LAMA2: variants seen among roughly 807,000 people sequenced by gnomAD.
LAMA2 encodes laminin subunit alpha-2.
In LAMA2, 269 loss-of-function variants were observed where a neutral mutation model predicts 364.8. The observed-to-expected ratio is 0.74, with a 90% CI of 0.67 to 0.82. The LOEUF (loss-of-function observed/expected upper bound fraction) is 0.82, where lower values mean the gene tolerates loss of function less well. Ranked by LOEUF, LAMA2 falls within the 40% of genes least tolerant of loss-of-function variation. The pLI, the probability that LAMA2 is intolerant of heterozygous loss-of-function variation, is 0.00. For missense variants in LAMA2, 3,807 were observed against 3,873.2 expected (o/e 0.98, Z 0.45); for synonymous variants, 1,379 against 1,370.6 (o/e 1.01, Z -0.14).
chr6:128,929,367 C>A (rs1378840830), intron 1 of LAMA2: 10 of 1,031,676 alleles, frequency 9.7e-6, no homozygotes, highest in Admixed American at 3.4e-5. Context: ...CGAGAGAATA[C>A]AAAGAAGTTC....
At position 129,460,205 on chromosome 6, in the gene LAMA2, T is replaced by C. The variant is rs1305518045; in HGVS notation, c.6873T>C (p.Ala2291=). ...AACGGTATTTCTTTCTGCAGAAGGCTGATGCTGTACGTGTGATTACATTCA... is the reference window on the plus strand; with the variant it reads ...AACGGTATTTCTTTCTGCAGAAGGCCGATGCTGTACGTGTGATTACATTCA... ...VGGLTGKLKK[A]DAVRVITFTG... is the part of the protein sequence containing the mutation. The change falls in exon 49 of 65, where the codon GCT becomes GCC. Residue 2291 remains alanine, a synonymous_variant. Coordinates refer to ENST00000421865, the MANE Select transcript of LAMA2 (RefSeq NM_000426.4). The C allele has an allele frequency of 3.1e-6, 5 of 1,612,094 alleles. No homozygotes were observed. The highest frequency in any genetic ancestry group is 4.2e-6 in the Non-Finnish European group (5 of 1,178,550).
At chr6:129,195,410 A>T (rs1781777453) in intron 12 of LAMA2, among the ~76,000 whole-genome samples, 1 of 152,212 alleles carries the variant, frequency 6.6e-6, no homozygotes, top group Admixed American at 6.5e-5. Flanking sequence ...TATCCTGTGA[A>T]ACATTTTTCA....
chr6:129,172,762 T>A (rs1318926151), intron 9 of LAMA2, among the ~76,000 whole-genome samples: 1 of 152,086 alleles, frequency 6.6e-6, no homozygotes, highest in Non-Finnish European at 1.5e-5. Flanking sequence ...GCGGCGCCCC[T>A]CCCCCAGCCT....
chr6:129,352,031 G>A (rs1316014342), intron 31 of LAMA2, among the ~76,000 whole-genome samples: 1 of 152,088 alleles, frequency 6.6e-6, no homozygotes, highest in East Asian at 1.9e-4. Flanking sequence ...ATAGCTTTTG[G>A]CTCCAATCCC....
intron 17 of LAMA2, among the ~76,000 whole-genome samples, chr6:129,279,793 T>G (rs181129854): frequency 6.0e-4 from 91 of 152,324 alleles, no homozygotes; most frequent in African/African-American, 2.0e-3. Flanking sequence ...CACTTGTTAC[T>G]GATGATCACT....
chr6:129,159,120 T>C, intron 8 of LAMA2: 1 of 1,570,420 alleles, frequency 6.4e-7, no homozygotes, highest in Non-Finnish European at 8.8e-7. Context: ...AGCTGAGTCA[T>C]TGTTCAATTG....
chr6:129,321,190 A>G (rs540971286), intron 28 of LAMA2, among the ~76,000 whole-genome samples: 1 of 152,322 alleles, frequency 6.6e-6, no homozygotes, highest in South Asian at 2.1e-4. Flanking sequence ...GCTTTTCAAT[A>G]AACTTGCTGA....
At chr6:129,357,457 G>A (rs1250689150) in intron 32 of LAMA2, among the ~76,000 whole-genome samples, 10 of 151,828 alleles carry the variant, frequency 6.6e-5, no homozygotes, top group Non-Finnish European at 2.9e-5. Flanking sequence ...TGGGGTTTTT[G>A]GGATATATCA....
chr6:129,158,096 C>T (rs1779232247), intron 8 of LAMA2: 11 of 1,612,196 alleles, frequency 6.8e-6, no homozygotes, highest in Non-Finnish European at 8.5e-6. Flanking sequence ...GCAGGTGGCA[C>T]AGACCACAGG....
chr6:129,486,747 C>A lies in LAMA2; in HGVS notation c.7898+125C>A, dbSNP rs548652444. On this transcript the variant is annotated intron_variant, in intron 56 of 64. Transcript: ENST00000421865. Reference sequence around the variant, plus strand: ...ACCTACTATGCATTGCAAAAGGATACCGTAGCTTAATTCCCTCTTCTTTAC... The same window carrying A: ...ACCTACTATGCATTGCAAAAGGATAACGTAGCTTAATTCCCTCTTCTTTAC... 141 of 898,392 alleles carry A rather than the reference C, an allele frequency of 1.6e-4. 1 individual carries two copies. Among genetic ancestry groups the A allele is most frequent in the Non-Finnish European group, 2.4e-4 (134 of 549,412 alleles). 55.7% of individuals were successfully genotyped at this position (898,392 alleles called of 1,614,324 possible).
chr6:129,322,373 A>G (rs974987331), intron 28 of LAMA2, among the ~76,000 whole-genome samples: 3 of 152,224 alleles, frequency 2.0e-5, no homozygotes, highest in Non-Finnish European at 4.4e-5. Flanking sequence ...TGTGGCACAT[A>G]TGAAATGAGT....
At chr6:128,987,140 G>GTTTTTTT (rs764115716) in intron 1 of LAMA2, among the ~76,000 whole-genome samples, 1 of 121,358 alleles carries the variant, frequency 8.2e-6, no homozygotes, top group Non-Finnish European at 1.7e-5. Context: ...TTTTTTTTTT[G>GTTTTTTT]TTTTTTTTTT....
intron 1 of LAMA2, among the ~76,000 whole-genome samples, chr6:128,969,361 G>A (rs76976821): frequency 0.027 from 4,091 of 152,236 alleles, 159 homozygotes; most frequent in African/African-American, 0.084. Context: ...TCTGAGAATA[G>A]ATTTTAGCTG....
intron 3 of LAMA2, among the ~76,000 whole-genome samples, chr6:129,083,982 G>T (rs1036751676): frequency 1.3e-5 from 2 of 152,112 alleles, no homozygotes; most frequent in African/African-American, 2.4e-5. Context: ...CAGGTGTATT[G>T]CCTGTTCAAA....
intron 12 of LAMA2, among the ~76,000 whole-genome samples, chr6:129,233,424 A>T (rs1784794762): frequency 6.6e-6 from 1 of 152,214 alleles, no homozygotes; most frequent in Non-Finnish European, 1.5e-5. Flanking sequence ...TGATAACATA[A>T]GCAATTTATT....
Position 129,098,143 on chromosome 6 carries a change from A to C in LAMA2, c.397-30A>C, listed in dbSNP as rs1032151815. On this transcript the variant is annotated intron_variant, in intron 3 of 64. Transcript: ENST00000421865. ...AAATGATGAGAATATTTGGGAATTCAATGTTATTGTTGTTGTTATACTTCC... is the reference window on the plus strand; with the variant it reads ...AAATGATGAGAATATTTGGGAATTCCATGTTATTGTTGTTGTTATACTTCC... 3.1e-6 allele frequency: 5 copies of C among 1,611,362 alleles called. No homozygotes were observed. In the African/African-American group the frequency reaches 6.7e-5, roughly 22 times the overall value.
At chr6:129,226,312 T>A (rs1345046054) in intron 12 of LAMA2, among the ~76,000 whole-genome samples, 4 of 152,208 alleles carry the variant, frequency 2.6e-5, no homozygotes, top group East Asian at 3.9e-4. Flanking sequence ...TGTCTTTTAA[T>A]TAGAGCATTT....
At chr6:129,368,122 G>C (rs1777874458) in intron 33 of LAMA2, among the ~76,000 whole-genome samples, 1 of 152,104 alleles carries the variant, frequency 6.6e-6, no homozygotes, top group South Asian at 2.1e-4. Flanking sequence ...TCTTTAATAA[G>C]GGCACTAATC....
At chr6:129,196,213 C>A (rs1221581948) in intron 12 of LAMA2, among the ~76,000 whole-genome samples, 2 of 152,172 alleles carry the variant, frequency 1.3e-5, no homozygotes, top group Non-Finnish European at 2.9e-5. Flanking sequence ...GGAGAGTCTG[C>A]TGACATAATA....
Sources: allele counts gnomAD v4.1 joint callset (sites outside exome capture counted in the v4.1 genomes callset), GRCh38; gene constraint gnomAD v4.1.1; transcripts MANE v1.5; gene names NCBI Gene and HGNC (gene_info 2026-07-23, HGNC 2026-07-21).